The following SETD7 variants were observed in gnomAD, a reference collection of about 807,000 sequenced individuals.
The protein encoded by SETD7 is SET domain containing 7, histone lysine methyltransferase.
SETD7 carries 16 observed loss-of-function variants against 41.8 expected under a neutral mutation model. That is an observed-to-expected ratio of 0.38 (90% CI 0.26 to 0.58). The LOEUF (loss-of-function observed/expected upper bound fraction) is 0.58, where lower values mean the gene tolerates loss of function less well. Among genes scored for constraint, SETD7 ranks in the 20% least tolerant of loss-of-function variants. The pLI, the probability that SETD7 is intolerant of heterozygous loss-of-function variation, is 0.64. For synonymous variants in SETD7, 163 were observed against 169.7 expected (o/e 0.96, Z 0.31); for missense variants, 346 against 459.7 (o/e 0.75, Z 2.26).
intron 7 of SETD7, among the ~76,000 whole-genome samples, chr4:139,517,472 T>C (rs1430667305): frequency 2.6e-4 from 17 of 66,332 alleles, no homozygotes; most frequent in African/African-American, 1.4e-3. Context: ...GGAAAATCCA[T>C]CTCAAAAAAA....
At chr4:139,494,291 A>G (rs1726415283), downstream of SETD7, among the ~76,000 whole-genome samples, 1 of 152,192 alleles carries the variant, frequency 6.6e-6, no homozygotes. Context: ...GTACTCTCTC[A>G]CTACCTTTCA....
At chr4:139,528,006 G>A (rs1727377294) in intron 4 of SETD7, among the ~76,000 whole-genome samples, 1 of 152,054 alleles carries the variant, frequency 6.6e-6, no homozygotes, top group African/African-American at 2.4e-5. Context: ...GCCTATTAAT[G>A]CCCAGATTTA....
chr4:139,520,423 C>CA, intron 5 of SETD7, 29 bp from the exon 6 acceptor site: 1 of 1,322,728 alleles, frequency 7.6e-7, no homozygotes, highest in Non-Finnish European at 1.1e-6. Flanking sequence ...TGAATAGTGA[C>CA]CTTTTCAGCT....
chr4:139,522,127 C>T (rs569759305), intron 5 of SETD7, among the ~76,000 whole-genome samples: 3 of 152,204 alleles, frequency 2.0e-5, no homozygotes, highest in Non-Finnish European at 2.9e-5. Context: ...TAAACCCTTC[C>T]CTTTGTAACT....
chr4:139,544,797 A>AGTGTGTGTGTGTGT (rs10581648), intron 2 of SETD7, among the ~76,000 whole-genome samples: 2,349 of 144,846 alleles, frequency 0.016, 38 homozygotes, highest in African/African-American at 0.041. Context: ...CCAGATTTAA[A>AGTGTGTGTGTGTGT]GTGTGTGTGT....
Position 139,553,889 on chromosome 4 carries a change from T to C in SETD7, c.40+2209A>G, listed in dbSNP as rs189330348. ...AGTTTATACCAGTCCCCTATGTAAG[T>C]GTTAGATGTTATGTAAAGACTATTG... On this transcript the variant is annotated intron_variant, in intron 1 of 7. Transcript: ENST00000274031. 3.5e-4 allele frequency among the ~76,000 whole-genome samples: 54 copies of C among 152,290 alleles called. No homozygotes were observed. In the East Asian group the frequency reaches 6.6e-3, roughly 18 times the overall value.
chr4:139,526,050 G>GTT (rs950181781), intron 4 of SETD7, among the ~76,000 whole-genome samples: 1 of 44,320 alleles, frequency 2.3e-5, no homozygotes, highest in African/African-American at 4.7e-5. Context: ...GTTTGTTTTT[G>GTT]TTTGTTTGTT....
chr4:139,524,237 T>G lies in SETD7; in HGVS notation c.563-802A>C, dbSNP rs1727258922. Among the ~76,000 whole-genome samples, 3 of 152,336 alleles carry G rather than the reference T, an allele frequency of 2.0e-5. No homozygotes were observed. In the South Asian group the frequency reaches 6.2e-4, roughly 32 times the overall value. ...TCTTTCTGTTTGTTTGTGAGTGGCT[T>G]TTTTTGTACAACCAAAACCCCAATG... On this transcript the variant is annotated intron_variant, in intron 4 of 7. Transcript: ENST00000274031.
chr4:139,516,168 T>G (rs1452123133), intron 7 of SETD7, among the ~76,000 whole-genome samples: 3 of 152,106 alleles, frequency 2.0e-5, no homozygotes, highest in Admixed American at 6.6e-5. Context: ...TTGGGCTTAT[T>G]ATAAAGAACT....
At chr4:139,531,158 G>A (rs558928567) in intron 3 of SETD7, among the ~76,000 whole-genome samples, 1 of 152,278 alleles carries the variant, frequency 6.6e-6, no homozygotes, top group African/African-American at 2.4e-5. Context: ...TCCTTCCTAA[G>A]GCAGAGTCTT....
At chr4:139,537,565 T>C (rs1018749117) in intron 2 of SETD7, among the ~76,000 whole-genome samples, 1 of 152,228 alleles carries the variant, frequency 6.6e-6, no homozygotes, top group Non-Finnish European at 1.5e-5. Context: ...TACAGAACAC[T>C]CCATGTCTTT....
At chr4:139,534,356 C>A (rs1727577427) in intron 2 of SETD7, among the ~76,000 whole-genome samples, 1 of 152,110 alleles carries the variant, frequency 6.6e-6, no homozygotes, top group South Asian at 2.1e-4. Context: ...ATTATTTTAA[C>A]ATAGGCAGAG....
intron 4 of SETD7, among the ~76,000 whole-genome samples, chr4:139,527,422 G>A (rs1727363549): frequency 6.6e-6 from 1 of 152,168 alleles, no homozygotes; most frequent in Non-Finnish European, 1.5e-5. Context: ...GCTGGGCATT[G>A]TGGTGCATGC....
intron 7 of SETD7, among the ~76,000 whole-genome samples, chr4:139,514,111 C>T (rs1726953820): frequency 6.6e-6 from 1 of 152,148 alleles, no homozygotes; most frequent in Non-Finnish European, 1.5e-5. Context: ...GGTGAAACCC[C>T]ACCTCTACCA....
In SETD7 at chr4:139,543,713, A is replaced by G. The variant is rs371141101; in HGVS notation, c.170+3207T>C. On this transcript the variant is annotated intron_variant, in intron 2 of 7. Transcript: ENST00000274031. ...CACACCCGTAATCCCAGCACTTTGG[A>G]AGGCCAAGGCGGGCGGATCACGAGG... 1.0e-3 allele frequency among the ~76,000 whole-genome samples: 152 copies of G among 151,752 alleles called. 1 individual carries two copies. Among genetic ancestry groups the G allele is most frequent in the Non-Finnish European group, 1.4e-3 (94 of 67,910 alleles).
intron 2 of SETD7, among the ~76,000 whole-genome samples, chr4:139,535,615 T>A (rs1727617388): frequency 6.6e-6 from 1 of 152,134 alleles, no homozygotes; most frequent in Non-Finnish European, 1.5e-5. Flanking sequence ...TGTCCTAACC[T>A]CCCTTACCCA....
At chr4:139,528,975 G>T in intron 4 of SETD7, 56 bp downstream of exon 4, 2 of 1,423,662 alleles carry the variant, frequency 1.4e-6, no homozygotes, top group Non-Finnish European at 2.0e-6. Context: ...TCTCAAATCA[G>T]CCCTAACAAC....
chr4:139,501,780 C>T (rs1039865707), downstream of SETD7, among the ~76,000 whole-genome samples: 2 of 152,162 alleles, frequency 1.3e-5, no homozygotes, highest in African/African-American at 2.4e-5. Flanking sequence ...ATTAAACAAT[C>T]GAGAACACAC....
intron 5 of SETD7, among the ~76,000 whole-genome samples, chr4:139,521,140 A>T (rs1727170219): frequency 6.6e-6 from 1 of 152,184 alleles, no homozygotes; most frequent in African/African-American, 2.4e-5. Context: ...ATAAGAAAAC[A>T]GCTGGTCGGG....
Sources: allele counts gnomAD v4.1 joint callset (sites outside exome capture counted in the v4.1 genomes callset), GRCh38; gene constraint gnomAD v4.1.1; transcripts MANE v1.5; gene names NCBI Gene and HGNC (gene_info 2026-07-23, HGNC 2026-07-21).